The following ARHGAP26 variants were observed in gnomAD, a reference collection of about 807,000 sequenced individuals.
ARHGAP26 encodes Rho GTPase activating protein 26.
ARHGAP26 carries 38 observed loss-of-function variants against 104.8 expected under a neutral mutation model. The observed-to-expected ratio is 0.36, with a 90% confidence interval of 0.28 to 0.48. The LOEUF (loss-of-function observed/expected upper bound fraction) is 0.48. ARHGAP26 is among the 20% of genes least tolerant of loss of function. The pLI, the probability that ARHGAP26 is intolerant of heterozygous loss-of-function variation, is 0.99. For missense variants in ARHGAP26, 704 were observed against 947.9 expected (o/e 0.74, Z 3.38); for synonymous variants, 341 against 340.0 (o/e 1.00, Z -0.03).
At chr5:143,041,699 G>A (rs1381241101) in intron 13 of ARHGAP26, 117 bp from the exon 14 acceptor site, 2 of 743,420 alleles carry the variant, frequency 2.7e-6, no homozygotes, top group African/African-American at 1.9e-5. Flanking sequence ...AATTAGAGCA[G>A]CTTTTAGGAG....
chr5:142,845,717 A>G (rs1229097608), intron 1 of ARHGAP26, among the ~76,000 whole-genome samples: 1 of 152,166 alleles, frequency 6.6e-6, no homozygotes, highest in South Asian at 2.1e-4. Flanking sequence ...GCTGGTGTCC[A>G]GATAACTGGC....
At chr5:143,040,979 T>C (rs755285740) in intron 13 of ARHGAP26, among the ~76,000 whole-genome samples, 2 of 152,352 alleles carry the variant, frequency 1.3e-5, no homozygotes, top group African/African-American at 2.4e-5. Flanking sequence ...ATTTGCACTT[T>C]AGACAGTTCA....
chr5:143,014,237 C>A, intron 12 of ARHGAP26, 121 bp downstream of exon 12: 7 of 1,094,292 alleles, frequency 6.4e-6, no homozygotes, highest in East Asian at 4.9e-5. Flanking sequence ...CTCCAGTTCC[C>A]GAGTGCAGTG....
chr5:143,139,021 C>G (rs913043377), intron 19 of ARHGAP26, among the ~76,000 whole-genome samples: 1 of 152,044 alleles, frequency 6.6e-6, no homozygotes, highest in Non-Finnish European at 1.5e-5. Flanking sequence ...TGACCTAGTC[C>G]GCGAACTCTT....
intron 17 of ARHGAP26, among the ~76,000 whole-genome samples, chr5:143,086,862 A>G (rs1790656502): frequency 6.6e-6 from 1 of 152,194 alleles, no homozygotes; most frequent in East Asian, 1.9e-4. Context: ...TCCAGCACTC[A>G]GATATCCATG....
At chr5:143,138,155 T>G (rs906156941) in intron 19 of ARHGAP26, among the ~76,000 whole-genome samples, 1 of 152,230 alleles carries the variant, frequency 6.6e-6, no homozygotes, top group African/African-American at 2.4e-5. Flanking sequence ...GTTTTGTGTT[T>G]TGTTTTGTTT....
chr5:143,147,878 C>T (rs1305974546), intron 20 of ARHGAP26, among the ~76,000 whole-genome samples: 1 of 152,230 alleles, frequency 6.6e-6, no homozygotes, highest in Non-Finnish European at 1.5e-5. Context: ...ATGACTATGA[C>T]TTCTTGACAG....
chr5:143,175,978 G>T (rs550247606), intron 20 of ARHGAP26, among the ~76,000 whole-genome samples: 1 of 152,130 alleles, frequency 6.6e-6, no homozygotes, highest in African/African-American at 2.4e-5. Context: ...GCCGGGCGTG[G>T]TGGTGTGCCC....
intron 11 of ARHGAP26, among the ~76,000 whole-genome samples, chr5:143,003,528 A>G (rs1777491674): frequency 6.6e-6 from 1 of 152,212 alleles, no homozygotes; most frequent in African/African-American, 2.4e-5. Context: ...ACCCTGCCCC[A>G]TAGAAATGTA....
At chr5:143,167,791 C>T (rs995863843) in intron 20 of ARHGAP26, among the ~76,000 whole-genome samples, 3 of 152,164 alleles carry the variant, frequency 2.0e-5, no homozygotes, top group Non-Finnish European at 4.4e-5. Flanking sequence ...GAAAGTTCAG[C>T]TGCAGCCATT....
At chr5:143,187,162 G>A (rs998245181) in intron 20 of ARHGAP26, among the ~76,000 whole-genome samples, 2 of 152,168 alleles carry the variant, frequency 1.3e-5, no homozygotes, top group Non-Finnish European at 2.9e-5. Flanking sequence ...CAAAGAAAAT[G>A]AGGGACACAG....
At chr5:142,889,028 G>A (rs901777723) in intron 5 of ARHGAP26, among the ~76,000 whole-genome samples, 1 of 152,160 alleles carries the variant, frequency 6.6e-6, no homozygotes, top group African/African-American at 2.4e-5. Context: ...AGGATGTGAT[G>A]GATTCTGTGG....
chr5:142,883,733 C>T (rs892305963), intron 4 of ARHGAP26, among the ~76,000 whole-genome samples: 1 of 152,248 alleles, frequency 6.6e-6, no homozygotes, highest in African/African-American at 2.4e-5. Context: ...ATCTCCCTTC[C>T]CCAAATGATG....
At chr5:142,918,266 C>T (rs371418337) in intron 10 of ARHGAP26, among the ~76,000 whole-genome samples, 5 of 152,220 alleles carry the variant, frequency 3.3e-5, no homozygotes, top group East Asian at 1.9e-4. Flanking sequence ...CCTACCTCAT[C>T]CTCCTGAGTA....
chr5:143,168,640 A>G (rs772072690), intron 20 of ARHGAP26: 33 of 151,886 alleles, frequency 2.2e-4, no homozygotes, highest in Admixed American at 3.3e-4. Flanking sequence ...GCAACCCAAG[A>G]CTAAGCACAT....
chr5:142,977,736 T>G (rs1167320255), intron 11 of ARHGAP26, among the ~76,000 whole-genome samples: 1 of 152,202 alleles, frequency 6.6e-6, no homozygotes, highest in African/African-American at 2.4e-5. Context: ...CATTTCACAC[T>G]GCCTCCCCAA....
chr5:143,058,717 G>T (rs1786237932), intron 17 of ARHGAP26, among the ~76,000 whole-genome samples: 1 of 152,214 alleles, frequency 6.6e-6, no homozygotes, highest in Admixed American at 6.5e-5. Flanking sequence ...AGATTGTAAT[G>T]GTTAGTTTTC....
intron 11 of ARHGAP26, among the ~76,000 whole-genome samples, chr5:142,933,841 A>C (rs1765060540): frequency 6.6e-6 from 1 of 152,210 alleles, no homozygotes; most frequent in African/African-American, 2.4e-5. Flanking sequence ...TCTCCATCCT[A>C]GTGGCAAAGC....
intron 1 of ARHGAP26, among the ~76,000 whole-genome samples, chr5:142,830,901 G>A (rs780297598): frequency 2.6e-5 from 4 of 152,232 alleles, no homozygotes; most frequent in South Asian, 2.1e-4. Flanking sequence ...CCATAGCTAC[G>A]TGAAAATATG....
Sources: gnomAD v4.1 joint callset for allele counts (sites outside exome capture counted in the v4.1 genomes callset) on GRCh38, gnomAD v4.1.1 for gene constraint, MANE v1.5 for transcripts, NCBI Gene and HGNC (gene_info 2026-07-23, HGNC 2026-07-21) for gene names.